Variants in EVL observed in about 807,000 individuals in gnomAD.
EVL encodes the protein ena/VASP-like protein.
EVL carries 21 observed loss-of-function variants against 59.6 expected under a neutral mutation model. The ratio of observed to expected loss-of-function variants is 0.35; its 90% CI spans 0.25 to 0.51. The LOEUF (loss-of-function observed/expected upper bound fraction) is 0.51, where lower values mean the gene tolerates loss of function less well. EVL is among the 20% of genes least tolerant of loss of function. EVL has a pLI of 0.97. For missense variants in EVL, 462 were observed against 546.6 expected, an observed-to-expected ratio of 0.85 and a Z score of 1.54; for synonymous variants, 198 against 203.5, an observed-to-expected ratio of 0.97 and a Z score of 0.23.
intron 1 of EVL, chr14:99,974,330 T>C (rs1476052504): frequency 1.3e-5 from 2 of 152,384 alleles, no homozygotes; most frequent in Non-Finnish European, 2.9e-5. Flanking sequence ...TCCTGCATTG[T>C]ATAATAGCCA....
intron 1 of EVL, among the ~76,000 whole-genome samples, chr14:100,013,373 C>T (rs901491326): frequency 3.3e-5 from 5 of 152,196 alleles, no homozygotes; most frequent in African/African-American, 1.2e-4. Flanking sequence ...TATTAGCTAC[C>T]ATTGATTGTG....
At chr14:99,985,821 G>C (rs762314889) in intron 1 of EVL, among the ~76,000 whole-genome samples, 6 of 151,484 alleles carry the variant, frequency 4.0e-5, no homozygotes, top group Non-Finnish European at 2.9e-5. Flanking sequence ...TTACTAATTA[G>C]TGGCCCTTCT....
chr14:100,001,240 T>C (rs551928399), intron 1 of EVL, among the ~76,000 whole-genome samples: 14 of 152,256 alleles, frequency 9.2e-5, no homozygotes, highest in African/African-American at 3.1e-4. Flanking sequence ...CACAGCTTAG[T>C]TTTCAGTGAT....
chr14:100,056,869 C>T (rs2061741965), intron 1 of EVL, among the ~76,000 whole-genome samples: 1 of 152,218 alleles, frequency 6.6e-6, no homozygotes, highest in Admixed American at 6.5e-5. Flanking sequence ...GAACACACAC[C>T]ATGTACCAAG....
At chr14:100,095,408 A>C (rs1320016577) in intron 2 of EVL, among the ~76,000 whole-genome samples, 1 of 152,264 alleles carries the variant, frequency 6.6e-6, no homozygotes, top group African/African-American at 2.4e-5. Flanking sequence ...TGGTCACTGT[A>C]CCACTGTTAA....
chr14:100,141,885 C>A, intron 13 of EVL, 92 bp downstream of exon 13: 1 of 1,180,170 alleles, frequency 8.5e-7, no homozygotes, highest in Non-Finnish European at 1.2e-6. Flanking sequence ...CAGTTTTGAG[C>A]TGGAGCCCAT....
intron 1 of EVL, among the ~76,000 whole-genome samples, chr14:100,054,894 C>T (rs1283498622): frequency 6.6e-6 from 1 of 152,168 alleles, no homozygotes; most frequent in Non-Finnish European, 1.5e-5. Flanking sequence ...GTCAACCAGC[C>T]TGTGACAACC....
chr14:100,064,563 A>G (rs578051055), upstream of EVL, among the ~76,000 whole-genome samples: 2 of 152,360 alleles, frequency 1.3e-5, no homozygotes, highest in African/African-American at 4.8e-5. Context: ...TCATCATTAG[A>G]GAGAGTTGTC....
intron 1 of EVL, among the ~76,000 whole-genome samples, chr14:100,043,617 T>C (rs2061502231): frequency 1.3e-5 from 2 of 149,510 alleles, no homozygotes; most frequent in Admixed American, 6.6e-5. Context: ...TTTTTTTTTT[T>C]TTTTTTTCTT....
chr14:100,044,352 T>G (rs2061515420), intron 1 of EVL, among the ~76,000 whole-genome samples: 1 of 152,152 alleles, frequency 6.6e-6, no homozygotes, highest in African/African-American at 2.4e-5. Flanking sequence ...ATTTTAACTT[T>G]CACAACACAC....
intron 1 of EVL, among the ~76,000 whole-genome samples, chr14:100,075,349 C>T (rs1401732640): frequency 6.6e-6 from 1 of 152,210 alleles, no homozygotes; most frequent in South Asian, 2.1e-4. Context: ...TGGGCTGCTC[C>T]GCTCCCATCC....
intron 1 of EVL, chr14:99,975,122 C>T (rs1321598298): frequency 2.0e-5 from 3 of 152,344 alleles, no homozygotes; most frequent in Non-Finnish European, 4.4e-5. Context: ...CCTCTAGGCC[C>T]TCCCACTGCA....
chr14:100,031,112 A>C (rs1337024220), intron 1 of EVL, among the ~76,000 whole-genome samples: 2 of 152,200 alleles, frequency 1.3e-5, no homozygotes, highest in Non-Finnish European at 2.9e-5. Flanking sequence ...TCAACTAAAG[A>C]GCTTTCAAGA....
intron 1 of EVL, among the ~76,000 whole-genome samples, chr14:100,042,276 A>G (rs1463543809): frequency 6.6e-6 from 1 of 152,184 alleles, no homozygotes; most frequent in East Asian, 1.9e-4. Flanking sequence ...ACCAAAGGCT[A>G]CCAAATTGGA....
intron 2 of EVL, among the ~76,000 whole-genome samples, chr14:100,089,420 C>A (rs1366958614): frequency 6.6e-6 from 1 of 152,202 alleles, no homozygotes; most frequent in Non-Finnish European, 1.5e-5. Context: ...GGAACTCACA[C>A]AGAGTATGTT....
chr14:100,126,183 G>A (rs1327653033), intron 4 of EVL, among the ~76,000 whole-genome samples: 3 of 152,254 alleles, frequency 2.0e-5, no homozygotes, highest in African/African-American at 4.8e-5. Context: ...TGCTGTGCAC[G>A]TAGCAGTGTG....
rs965865544 is a variant in EVL, at chr14:100,127,080, C to T, written c.487+309C>T. ...CACAACTATGACTGCAGATGCAGTT[C>T]CTGCCCTCAGGAAGCCCGCTGTCCA... On this transcript the variant is annotated intron_variant, in intron 5 of 13. Transcript: ENST00000392920. This position sits in a 1 kb window ranked among gnomAD's most constrained non-coding sequence, Gnocchi z 4.2. 6.6e-6 allele frequency among the ~76,000 whole-genome samples: 1 copy of T among 152,346 alleles called. No homozygotes were observed. The highest frequency in any genetic ancestry group is 1.5e-5 in the Non-Finnish European group (1 of 68,034).
intron 1 of EVL, among the ~76,000 whole-genome samples, chr14:99,987,191 CTT>C (rs1210832682): frequency 5.3e-5 from 8 of 152,158 alleles, no homozygotes; most frequent in Non-Finnish European, 1.2e-4. Flanking sequence ...ATAAAGAACT[CTT>C]ATATTTTGCT....
chr14:100,003,831 C>T (rs1254567222), intron 1 of EVL, among the ~76,000 whole-genome samples: 2 of 152,064 alleles, frequency 1.3e-5, no homozygotes, highest in African/African-American at 2.4e-5. Context: ...TCTGTTAGAC[C>T]AATTACCAAA....
Sources: gnomAD v4.1 joint callset for allele counts (sites outside exome capture counted in the v4.1 genomes callset) on GRCh38, gnomAD v4.1.1 for gene constraint, Gnocchi (gnomAD v3.1) non-coding constraint, MANE v1.5 for transcripts, NCBI Gene and HGNC (gene_info 2026-07-23, HGNC 2026-07-21) for gene names.